The following KLHDC4 variants were observed in gnomAD, a reference collection of about 807,000 sequenced individuals.
KLHDC4 encodes the protein kelch domain containing 4.
In KLHDC4, 90 loss-of-function variants were observed where a neutral mutation model predicts 62.4. The observed-to-expected ratio is 1.44, with a 90% CI of 1.22 to 1.72. The LOEUF (loss-of-function observed/expected upper bound fraction) is 1.72, where lower values mean the gene tolerates loss of function less well. Among genes scored for constraint, KLHDC4 ranks in the 40% most tolerant of loss-of-function variants. KLHDC4 has a pLI of 0.00. For missense variants in KLHDC4, 1,025 were observed against 699.7 expected, an observed-to-expected ratio of 1.47 and a Z score of -5.25; for synonymous variants, 386 against 284.4, an observed-to-expected ratio of 1.36 and a Z score of -3.59.
chr16:87,737,079 G>A (rs186328507), intron 5 of KLHDC4, among the ~76,000 whole-genome samples: 97 of 129,048 alleles, frequency 7.5e-4, no homozygotes, highest in African/African-American at 2.7e-3. Flanking sequence ...GACCCGAGAT[G>A]GCGCCTTTGT....
intron 6 of KLHDC4, 133 bp downstream of exon 6, chr16:87,730,419 G>C (rs149706136): frequency 1.4e-6 from 1 of 712,344 alleles, no homozygotes; most frequent in Non-Finnish European, 2.3e-6. Flanking sequence ...GCCCTGTGTG[G>C]CTGCCCAAAG....
downstream of KLHDC4, among the ~76,000 whole-genome samples, chr16:87,706,098 G>T (rs1055067193): frequency 1.3e-5 from 2 of 150,202 alleles, no homozygotes; most frequent in Non-Finnish European, 1.5e-5. Context: ...TGCGGGGGGC[G>T]GGCGGGCTGC....
intron 8 of KLHDC4, among the ~76,000 whole-genome samples, chr16:87,712,526 G>A (rs1381737198): frequency 1.3e-5 from 2 of 152,228 alleles, no homozygotes; most frequent in Non-Finnish European, 2.9e-5. Flanking sequence ...GGGCTGACGA[G>A]CAGAGCACAC....
chr16:87,704,254 G>C (rs1317746702), downstream of KLHDC4, among the ~76,000 whole-genome samples: 1 of 150,258 alleles, frequency 6.7e-6, no homozygotes, highest in African/African-American at 2.5e-5. Flanking sequence ...GCCCTGGGGA[G>C]GGTCCTGAAC....
chr16:87,752,027 T>A (rs1180912827), intron 4 of KLHDC4, among the ~76,000 whole-genome samples: 2 of 131,788 alleles, frequency 1.5e-5, no homozygotes, highest in Non-Finnish European at 3.1e-5. Context: ...GAGGCGGAGG[T>A]TGCAGTGAGC....
chr16:87,765,762 G>A (rs1213276753), intron 1 of KLHDC4, 30 bp downstream of exon 1: 2 of 1,550,654 alleles, frequency 1.3e-6, no homozygotes, highest in Non-Finnish European at 1.7e-6. Context: ...CCGCGACGTC[G>A]GGCCGCTAAG....
chr16:87,701,849 C>G (rs755829064), exon 1 of KLHDC4: 5 of 456,554 alleles, frequency 1.1e-5, no homozygotes, highest in South Asian at 3.1e-5. Flanking sequence ...TTAACAGCTG[C>G]CATCCACACC....
chr16:87,719,232 G>A (rs530536294), intron 7 of KLHDC4, among the ~76,000 whole-genome samples: 6 of 152,350 alleles, frequency 3.9e-5, no homozygotes, highest in Non-Finnish European at 5.9e-5. Context: ...TAGAAAAGGG[G>A]GAAATGTGGG....
intron 7 of KLHDC4, among the ~76,000 whole-genome samples, chr16:87,715,500 C>A (rs906255454): frequency 9.2e-5 from 14 of 152,186 alleles, no homozygotes; most frequent in African/African-American, 3.4e-4. Flanking sequence ...GAGGGTCCCA[C>A]TGGCCGTTTC....
At chr16:87,727,422 CAG>C (rs1376576466) in intron 6 of KLHDC4, among the ~76,000 whole-genome samples, 2 of 152,208 alleles carry the variant, frequency 1.3e-5, no homozygotes, top group East Asian at 3.8e-4. Flanking sequence ...GAGGTGTGAG[CAG>C]CCTGGCAGCA....
chr16:87,735,283 C>G (rs990046790), intron 5 of KLHDC4, among the ~76,000 whole-genome samples: 32 of 143,750 alleles, frequency 2.2e-4, no homozygotes, highest in Non-Finnish European at 3.8e-4. Context: ...CTGGGCAACA[C>G]AGCGAGACTC....
chr16:87,728,396 G>A (rs902887145), intron 6 of KLHDC4, among the ~76,000 whole-genome samples: 3 of 152,148 alleles, frequency 2.0e-5, no homozygotes, highest in Non-Finnish European at 4.4e-5. Context: ...TTGCACGTAA[G>A]ATAAATACAG....
chr16:87,744,998 A>C (rs1233025895), intron 5 of KLHDC4, among the ~76,000 whole-genome samples: 1 of 152,082 alleles, frequency 6.6e-6, no homozygotes, highest in East Asian at 1.9e-4. Flanking sequence ...CGGTGCACAC[A>C]CGTGTACACA....
rs567066285 is a variant in KLHDC4, at chr16:87,730,536, C to T, written c.599+16G>A. On this transcript the variant is annotated intron_variant, in intron 6 of 11. Transcript: ENST00000270583. Reference sequence around the variant, plus strand: ...ATGCTTCAGGAGAGAAAGATTTTTCCGTTCTTGGTACCAACCGTGTACTTT... The same window carrying T: ...ATGCTTCAGGAGAGAAAGATTTTTCTGTTCTTGGTACCAACCGTGTACTTT... 38 of 1,591,272 alleles carry T rather than the reference C, an allele frequency of 2.4e-5. No homozygotes were observed. The highest frequency in any genetic ancestry group is 2.0e-4 in the East Asian group (9 of 44,606).
Position 87,707,927 on chromosome 16 carries a change from G to GA in KLHDC4, c.*149dup, listed in dbSNP as rs2034965302. 1 of 462,804 alleles carries GA rather than the reference G, an allele frequency of 2.2e-6. No homozygotes were observed. The highest frequency in any genetic ancestry group is 4.3e-6 in the Non-Finnish European group (1 of 231,406). 28.7% of individuals were successfully genotyped at this position (462,804 alleles called of 1,614,324 possible). A position where few individuals can be genotyped will look rare whatever the true frequency, so the allele number is the denominator to read the frequency against. On this transcript the variant is annotated 3_prime_UTR_variant, in exon 12 of 12. Coordinates refer to ENST00000270583, the MANE Select transcript of KLHDC4 (RefSeq NM_017566.4). ...CCGCGTCAGAGACTAAACCATGGGA[G>GA]AAAGTTCACACCCTGGCCTGGGCCA...
chr16:87,748,553 G>A (rs1190858517), intron 5 of KLHDC4, 120 bp downstream of exon 5: 3 of 1,304,186 alleles, frequency 2.3e-6, no homozygotes, highest in Non-Finnish European at 3.2e-6. Flanking sequence ...CTGGGCTCCA[G>A]GACTGTGACC....
At chr16:87,755,462 G>A (rs979264064) in intron 3 of KLHDC4, 170 bp from the exon 4 acceptor site, 6 of 492,474 alleles carry the variant, frequency 1.2e-5, no homozygotes, top group South Asian at 4.2e-5. Flanking sequence ...TGGGGATGAC[G>A]ACACAATGAA....
exon 1 of KLHDC4, chr16:87,702,071 A>C (rs1477733981): frequency 2.2e-6 from 1 of 452,836 alleles, no homozygotes; most frequent in African/African-American, 2.0e-5. Context: ...TGCTGTGAGA[A>C]CTTGTGACCC....
chr16:87,756,426 A>T lies in KLHDC4; in HGVS notation c.243T>A (p.Phe81Leu), dbSNP rs747290185. 5.0e-6 allele frequency: 8 copies of T among 1,613,600 alleles called. No homozygotes were observed. The highest frequency in any genetic ancestry group is 6.8e-6 in the Non-Finnish European group (8 of 1,179,620). ...VHPEKDELIL[F>L]GGEYFNGQKT... ...TTTGGCCGTTGAAATATTCACCTCCAAAAAGGATTAACTCATCTTTCTCAG... is the reference window on the plus strand; with the variant it reads ...TTTGGCCGTTGAAATATTCACCTCCTAAAAGGATTAACTCATCTTTCTCAG... The change falls in exon 3 of 12, where the codon TTT becomes TTA. Residue 81 changes from phenylalanine (F) to leucine (L), a missense_variant. Coordinates refer to ENST00000270583, the MANE Select transcript of KLHDC4 (RefSeq NM_017566.4).
Sources: allele counts gnomAD v4.1 joint callset (sites outside exome capture counted in the v4.1 genomes callset), GRCh38; gene constraint gnomAD v4.1.1; transcripts MANE v1.5; gene names NCBI Gene and HGNC (gene_info 2026-07-23, HGNC 2026-07-21).